Variants in COQ8A observed in about 807,000 individuals in gnomAD.
COQ8A encodes coenzyme Q8A.
In COQ8A, 51 loss-of-function variants were observed where a neutral mutation model predicts 65.0. That is an observed-to-expected ratio of 0.78 (90% CI 0.63 to 0.99). The LOEUF is 0.99. COQ8A is among the 50% of genes least tolerant of loss of function. The pLI, the probability that COQ8A is intolerant of heterozygous loss-of-function variation, is 0.00. For missense variants in COQ8A, 940 were observed against 875.0 expected, an observed-to-expected ratio of 1.07 and a Z score of -0.94; for synonymous variants, 371 against 353.2, an observed-to-expected ratio of 1.05 and a Z score of -0.57.
At chr1:226,951,319 A>C (rs979055083) in intron 1 of COQ8A, among the ~76,000 whole-genome samples, 1 of 152,194 alleles carries the variant, frequency 6.6e-6, no homozygotes, top group Non-Finnish European at 1.5e-5. Context: ...GTGGAGGGGA[A>C]TGCGGGTGTC....
chr1:226,955,565 A>ACT (rs201977591), intron 1 of COQ8A, among the ~76,000 whole-genome samples: 47 of 14,518 alleles, frequency 3.2e-3, no homozygotes, highest in East Asian at 4.5e-3. Flanking sequence ...CCTGGCTCCC[A>ACT]CTCCCTGGGT....
In COQ8A at chr1:226,984,928, A is replaced by G. The variant is rs1371574994; in HGVS notation, c.1559A>G (p.Asp520Gly). 3 of 1,614,062 alleles carry G rather than the reference A, an allele frequency of 1.9e-6. 1 individual carries two copies. Residue 520 changes from aspartate (D) to glycine (G), a missense_variant, in exon 13 of 15, where the codon GAC becomes GGC. Asp to Gly is a moderately conservative substitution (Grantham distance 94). Transcript: ENST00000366777. ...ATREYDRSFT[D>G]LYIQIIRAAA... ...CGGGAATATGACAGATCCTTCACCGACCTCTACATTCAGGTAACTGGAGAG... is the reference window on the plus strand; with the variant it reads ...CGGGAATATGACAGATCCTTCACCGGCCTCTACATTCAGGTAACTGGAGAG...
rs181579601 is a variant in COQ8A, at chr1:226,965,343, C to A, written c.521C>A (p.Thr174Lys). Residue 174 changes from threonine (T) to lysine (K), a missense_variant, in exon 3 of 15, where the codon ACA becomes AAA. Thr to Lys is a moderately conservative substitution (Grantham distance 78). Coordinates refer to ENST00000366777, the MANE Select transcript of COQ8A (RefSeq NM_020247.5). Reference sequence around the variant, plus strand: ...GACCAATCCCCTGTTGGGGGCCTCACAGCCGAGGACATTGAGAAGGCCCGG... The same window carrying A: ...GACCAATCCCCTGTTGGGGGCCTCAAAGCCGAGGACATTGAGAAGGCCCGG... Reference protein sequence around the residue: ...HQDQSPVGGLTAEDIEKARQA... With the variant: ...HQDQSPVGGLKAEDIEKARQA... 1.7e-4 allele frequency: 270 copies of A among 1,613,248 alleles called. No homozygotes were observed. The highest frequency in any genetic ancestry group is 4.9e-4 in the Middle Eastern group (3 of 6,062).
At chr1:226,978,664 G>A (rs1275112897) in intron 5 of COQ8A, among the ~76,000 whole-genome samples, 1 of 61,016 alleles carries the variant, frequency 1.6e-5, no homozygotes, top group East Asian at 3.9e-4. Context: ...CCACACACCT[G>A]CCCACCTCCT....
intron 1 of COQ8A, among the ~76,000 whole-genome samples, chr1:226,950,198 G>T (rs757329927): frequency 1.3e-5 from 2 of 152,094 alleles, no homozygotes; most frequent in South Asian, 2.1e-4. Flanking sequence ...ATGCAGGTTC[G>T]CTCACAGTGT....
Position 226,983,577 on chromosome 1 carries a change from A to G in COQ8A, c.1106A>G (p.Asn369Ser), listed in dbSNP as rs751032737. Residue 369 changes from asparagine (N) to serine (S), a missense_variant, in exon 9 of 15, where the codon AAC (asparagine) becomes AGC (serine). Physicochemically the swap from Asn to Ser is conservative, Grantham distance 46 (BLOSUM62 1). Coordinates refer to ENST00000366777, the MANE Select transcript of COQ8A (RefSeq NM_020247.5). ...TACCCTGGCGTGGCCCAGAGCATCAACAGTGATGTCAACAACCTCATGGCC... is the reference window on the plus strand; with the variant it reads ...TACCCTGGCGTGGCCCAGAGCATCAGCAGTGATGTCAACAACCTCATGGCC... ...IQYPGVAQSI[N>S]SDVNNLMAVL... The G allele has an allele frequency of 4.3e-6, 7 of 1,613,956 alleles. No individual in the cohort carries two copies. The highest frequency in any genetic ancestry group is 5.9e-6 in the Non-Finnish European group (7 of 1,180,016).
intron 4 of COQ8A, among the ~76,000 whole-genome samples, chr1:226,975,239 C>T (rs1659120273): frequency 6.6e-6 from 1 of 152,140 alleles, no homozygotes; most frequent in Admixed American, 6.5e-5. Flanking sequence ...CTTTCTACAG[C>T]GAGAGAAAGA....
intron 1 of COQ8A, among the ~76,000 whole-genome samples, chr1:226,960,818 C>T (rs1176154683): frequency 6.6e-6 from 1 of 152,084 alleles, no homozygotes; most frequent in African/African-American, 2.4e-5. Context: ...GTCCCTTGGT[C>T]TATGGATATC....
Position 226,965,337 on chromosome 1 carries a change from G to T in COQ8A, c.515G>T (p.Gly172Val), listed in dbSNP as rs1419689649. 2.5e-6 allele frequency: 4 copies of T among 1,613,144 alleles called. No individual in the cohort carries two copies. Among genetic ancestry groups the T allele is most frequent in the Non-Finnish European group, 3.4e-6 (4 of 1,179,882 alleles). ...CACCAGGACCAATCCCCTGTTGGGG[G>T]CCTCACAGCCGAGGACATTGAGAAG... ...FFHQDQSPVG[G>V]LTAEDIEKAR... Residue 172 changes from glycine (G) to valine (V), a missense_variant, in exon 3 of 15, where the codon GGC becomes GTC. Transcript: ENST00000366777.
intron 4 of COQ8A, among the ~76,000 whole-genome samples, chr1:226,975,357 C>A (rs1659128718): frequency 6.6e-6 from 1 of 152,176 alleles, no homozygotes; most frequent in Non-Finnish European, 1.5e-5. Context: ...CCCATGCTGC[C>A]CAGTACGGAG....
At chr1:226,955,685 C>T (rs189378672) in intron 1 of COQ8A, among the ~76,000 whole-genome samples, 24 of 124,898 alleles carry the variant, frequency 1.9e-4, no homozygotes, top group Admixed American at 3.1e-4. Context: ...CTCTCCCTGG[C>T]TCCCACTCTC....
chr1:226,978,214 TACAC>T (rs1468281873), intron 5 of COQ8A, among the ~76,000 whole-genome samples: 2 of 93,510 alleles, frequency 2.1e-5, no homozygotes, highest in Non-Finnish European at 5.1e-5. Flanking sequence ...CACACCTCCT[TACAC>T]ACCCTCTACA....
chr1:226,946,084 A>G lies in COQ8A; in HGVS notation c.-10+5685A>G, dbSNP rs1394480049. On this transcript the variant is annotated intron_variant, in intron 1 of 14. Transcript: ENST00000366777. This position sits in a 1 kb window ranked among gnomAD's most constrained non-coding sequence, Gnocchi z 5.3. ...TGCCTGGGTCCTGCCTCACTGACTC[A>G]TAATGCTAATAAACTCGTGTGTATG... Among the ~76,000 whole-genome samples the G allele has an allele frequency of 6.6e-6, 1 of 152,158 alleles. No individual in the cohort carries two copies. Among genetic ancestry groups the G allele is most frequent in the African/African-American group, 2.4e-5 (1 of 41,434 alleles).
At chr1:226,957,631 T>C (rs1397898668) in intron 1 of COQ8A, among the ~76,000 whole-genome samples, 2 of 152,134 alleles carry the variant, frequency 1.3e-5, no homozygotes, top group East Asian at 3.8e-4. Flanking sequence ...TAAAATTCCT[T>C]CCTTCTGGTG....
chr1:226,985,396 G>A lies in COQ8A; in HGVS notation c.1659+56G>A. ...CTGCTGACCCAGGGCCCGGCTCCCT[G>A]TGTAAGAATGGATGAAAGCACAGGG... On this transcript the variant is annotated intron_variant, in intron 14 of 14. Coordinates refer to ENST00000366777, the MANE Select transcript of COQ8A (RefSeq NM_020247.5). The A allele has an allele frequency of 2.5e-6, 4 of 1,586,936 alleles. No individual in the cohort carries two copies. The Admixed American group carries it at 5.0e-5, about 20-fold the overall frequency.
intron 5 of COQ8A, among the ~76,000 whole-genome samples, chr1:226,979,198 C>T (rs577944999): frequency 6.6e-5 from 10 of 152,248 alleles, no homozygotes; most frequent in Non-Finnish European, 8.8e-5. Context: ...ACACTCATCC[C>T]ACTGAGGTTG....
chr1:226,956,110 T>C (rs1210822075), intron 1 of COQ8A, among the ~76,000 whole-genome samples: 295 of 79,476 alleles, frequency 3.7e-3, no homozygotes, highest in Admixed American at 4.8e-3. Context: ...TCCCTGGCTC[T>C]CACTCTCCCT....
At chr1:226,955,053 C>T (rs545852837) in intron 1 of COQ8A, among the ~76,000 whole-genome samples, 1 of 152,164 alleles carries the variant, frequency 6.6e-6, no homozygotes, top group East Asian at 1.9e-4. Flanking sequence ...TGGCTGGAAC[C>T]TAAAGGCAGT....
chr1:226,950,439 C>T (rs996169008), intron 1 of COQ8A, among the ~76,000 whole-genome samples: 1 of 152,192 alleles, frequency 6.6e-6, no homozygotes, highest in Admixed American at 6.5e-5. Flanking sequence ...AAACAGGTTG[C>T]CTAGCTCCTG....
Sources: gnomAD v4.1 joint callset for allele counts (sites outside exome capture counted in the v4.1 genomes callset) on GRCh38, gnomAD v4.1.1 for gene constraint, Gnocchi (gnomAD v3.1) non-coding constraint, MANE v1.5 for transcripts, NCBI Gene and HGNC (gene_info 2026-07-23, HGNC 2026-07-21) for gene names.